The following MAL variants were observed in gnomAD, a reference collection of about 807,000 sequenced individuals.
MAL encodes the protein mal, T cell differentiation protein (MAL blood group), also known as myelin and lymphocyte protein.
In MAL, 5 loss-of-function variants were observed where a neutral mutation model predicts 16.7. That is an observed-to-expected ratio of 0.30 (90% confidence interval 0.16 to 0.63). MAL has a LOEUF of 0.63. Among genes scored for constraint, MAL ranks in the 30% least tolerant of loss-of-function variants. The pLI is 0.82. For synonymous variants in MAL, 96 were observed against 85.5 expected, an observed-to-expected ratio of 1.12 and a Z score of -0.67; for missense variants, 202 against 195.8, an observed-to-expected ratio of 1.03 and a Z score of -0.19.
At chr2:95,026,030 AG>A (rs1449392023) in intron 1 of MAL, 145 bp downstream of exon 1, 2 of 668,818 alleles carry the variant, frequency 3.0e-6, no homozygotes, top group African/African-American at 3.8e-5. Flanking sequence ...GGACTAAGCC[AG>A]GGAAGTCCCC....
At chr2:95,030,295 G>T (rs1674046166) in intron 1 of MAL, among the ~76,000 whole-genome samples, 1 of 152,184 alleles carries the variant, frequency 6.6e-6, no homozygotes, top group Non-Finnish European at 1.5e-5. Flanking sequence ...CAGGTGGTGT[G>T]GTCATCAGTG....
chr2:95,047,969 G>T lies in MAL; in HGVS notation c.104G>T (p.Gly35Val). Residue 35 changes from glycine (G) to valine (V), a missense_variant, in exon 2 of 4, where the codon GGC becomes GTC. Transcript: ENST00000309988. ...LLFIFEFIFG[G>V]LVWILVASSL... Reference sequence around the variant, plus strand: ...CCTCCTCCCCCGCAGATCTTCGGGGGCCTGGTGTGGATCCTGGTGGCCTCC... The same window carrying T: ...CCTCCTCCCCCGCAGATCTTCGGGGTCCTGGTGTGGATCCTGGTGGCCTCC... 3.7e-6 allele frequency: 6 copies of T among 1,613,646 alleles called. No homozygotes were observed. The highest frequency in any genetic ancestry group is 5.1e-6 in the Non-Finnish European group (6 of 1,179,818).
intron 1 of MAL, among the ~76,000 whole-genome samples, chr2:95,047,287 C>T (rs1399571798): frequency 1.3e-5 from 2 of 152,232 alleles, no homozygotes; most frequent in Non-Finnish European, 2.9e-5. Flanking sequence ...TCAGTTTCCT[C>T]ATCTGGCAAA....
chr2:95,028,168 A>C (rs1673990918), intron 1 of MAL, among the ~76,000 whole-genome samples: 1 of 149,986 alleles, frequency 6.7e-6, no homozygotes, highest in East Asian at 2.0e-4. Flanking sequence ...AAAAAAAAAA[A>C]AAAAAAAACC....
intron 3 of MAL, among the ~76,000 whole-genome samples, chr2:95,050,565 A>C (rs1318884003): frequency 6.6e-6 from 1 of 152,210 alleles, no homozygotes; most frequent in African/African-American, 2.4e-5. Context: ...GCAGAGGCTG[A>C]GAGAAGACCC....
At chr2:95,033,330 A>G (rs1156655452) in intron 1 of MAL, among the ~76,000 whole-genome samples, 1 of 152,108 alleles carries the variant, frequency 6.6e-6, no homozygotes, top group East Asian at 1.9e-4. Context: ...ATCCTTTGGC[A>G]TTTCATCTTG....
intron 2 of MAL, among the ~76,000 whole-genome samples, chr2:95,048,924 G>A (rs992840993): frequency 5.9e-5 from 9 of 152,096 alleles, no homozygotes; most frequent in South Asian, 4.1e-4. Flanking sequence ...TCAAGTGATC[G>A]TCCTGCCACA....
chr2:95,035,737 T>C (rs1674189136), intron 1 of MAL, among the ~76,000 whole-genome samples: 1 of 150,836 alleles, frequency 6.6e-6, no homozygotes, highest in Non-Finnish European at 1.5e-5. Flanking sequence ...TGGCATGATC[T>C]CGGCTCACTG....
intron 1 of MAL, among the ~76,000 whole-genome samples, chr2:95,046,500 G>C (rs1573299635): frequency 6.6e-6 from 1 of 152,200 alleles, no homozygotes; most frequent in Non-Finnish European, 1.5e-5. Context: ...AGTGAGGAAC[G>C]GAGTTTGTAC....
chr2:95,041,489 G>A (rs532522546), intron 1 of MAL, among the ~76,000 whole-genome samples: 41 of 152,304 alleles, frequency 2.7e-4, no homozygotes, highest in African/African-American at 8.7e-4. Context: ...TTACAGAAGA[G>A]GCTGCTTCAT....
At chr2:95,045,337 C>T (rs1328398800) in intron 1 of MAL, among the ~76,000 whole-genome samples, 1 of 152,202 alleles carries the variant, frequency 6.6e-6, no homozygotes, top group East Asian at 1.9e-4. Flanking sequence ...ACCCAAGCTG[C>T]TCCTTTGGGG....
intron 3 of MAL, among the ~76,000 whole-genome samples, chr2:95,052,180 G>GC (rs1674734549): frequency 6.6e-6 from 1 of 152,234 alleles, no homozygotes; most frequent in African/African-American, 2.4e-5. Flanking sequence ...ACAATGGTGG[G>GC]CAGTGATGGC....
At chr2:95,045,676 G>T (rs914565406) in intron 1 of MAL, among the ~76,000 whole-genome samples, 3 of 152,168 alleles carry the variant, frequency 2.0e-5, no homozygotes, top group African/African-American at 7.2e-5. Context: ...TAGGAGAGGG[G>T]TTCCCAGGCC....
intron 1 of MAL, among the ~76,000 whole-genome samples, chr2:95,041,416 G>C (rs1273067217): frequency 2.0e-5 from 3 of 152,170 alleles, no homozygotes; most frequent in Non-Finnish European, 4.4e-5. Flanking sequence ...TTTTGGACAA[G>C]TTTTGGAGTA....
At chr2:95,030,376 T>C (rs1674048334) in intron 1 of MAL, among the ~76,000 whole-genome samples, 1 of 152,136 alleles carries the variant, frequency 6.6e-6, no homozygotes, top group African/African-American at 2.4e-5. Context: ...GGGCTTTGCT[T>C]CTCGTCTGCT....
intron 1 of MAL, among the ~76,000 whole-genome samples, chr2:95,039,232 C>G (rs1335361470): frequency 2.8e-3 from 225 of 81,094 alleles, no homozygotes; most frequent in East Asian, 4.1e-3. Context: ...GAGTGAGTGA[C>G]TGAGTGACTG....
At position 95,053,578 on chromosome 2, in the gene MAL, C is replaced by T. The variant is rs1039014679; in HGVS notation, c.*123C>T. On this transcript the variant is annotated 3_prime_UTR_variant, in exon 4 of 4. Coordinates refer to ENST00000309988, the MANE Select transcript of MAL (RefSeq NM_002371.4). ...GGAAAAAAGAAAACAACCACCCCCC[C>T]ACTGCCCAAAAAAAAAAGCCCTGCC... 7 of 736,168 alleles carry T rather than the reference C, an allele frequency of 9.5e-6. No homozygotes were observed. Among genetic ancestry groups the T allele is most frequent in the South Asian group, 1.8e-5 (1 of 56,932 alleles). 45.6% of individuals were successfully genotyped at this position (736,168 alleles called of 1,614,324 possible).
intron 1 of MAL, among the ~76,000 whole-genome samples, chr2:95,033,230 A>G (rs1176708653): frequency 6.6e-6 from 1 of 152,184 alleles, no homozygotes; most frequent in Admixed American, 6.5e-5. Flanking sequence ...CTGACCTGTC[A>G]GTGGAGTGGG....
chr2:95,034,063 G>A (rs771146837), intron 1 of MAL, among the ~76,000 whole-genome samples: 16 of 152,348 alleles, frequency 1.1e-4, no homozygotes, highest in South Asian at 8.3e-4. Flanking sequence ...GACCTGTGCC[G>A]ATGGCAGGGT....
Sources: allele counts gnomAD v4.1 joint callset (sites outside exome capture counted in the v4.1 genomes callset), GRCh38; gene constraint gnomAD v4.1.1; transcripts MANE v1.5; gene names NCBI Gene and HGNC (gene_info 2026-07-23, HGNC 2026-07-21).